PRICKLE1: variants seen among roughly 807,000 people sequenced by gnomAD.
PRICKLE1 encodes the protein prickle-like protein 1.
In PRICKLE1, 14 loss-of-function variants were observed where a neutral mutation model predicts 70.2. The ratio of observed to expected loss-of-function variants is 0.20; its 90% CI spans 0.13 to 0.31. The LOEUF (loss-of-function observed/expected upper bound fraction) is 0.31. Among genes scored for constraint, PRICKLE1 ranks in the 10% least tolerant of loss-of-function variants. PRICKLE1 has a pLI of 1.00. For synonymous variants in PRICKLE1, 357 were observed against 379.9 expected (o/e 0.94, Z 0.70); for missense variants, 821 against 1,026.2 (o/e 0.80, Z 2.73).
chr12:42,581,509 G>A (rs1940899210), intron 1 of PRICKLE1, among the ~76,000 whole-genome samples: 1 of 151,874 alleles, frequency 6.6e-6, no homozygotes, highest in Non-Finnish European at 1.5e-5. Flanking sequence ...CTTTGGGAGG[G>A]CGAGACAGGT....
intron 1 of PRICKLE1, among the ~76,000 whole-genome samples, chr12:42,538,601 C>T (rs1940054269): frequency 6.6e-6 from 1 of 152,198 alleles, no homozygotes; most frequent in Admixed American, 6.5e-5. Context: ...TCTAGCTCAT[C>T]ATTCTTTTTC....
chr12:42,459,673 A>G lies in PRICKLE1; in HGVS notation c.*136T>C. On this transcript the variant is annotated 3_prime_UTR_variant, in exon 8 of 8. Coordinates refer to ENST00000345127, the MANE Select transcript of PRICKLE1 (RefSeq NM_153026.3). ...TTCAAATGTTAATCTGACACTGTAA[A>G]CAGCAGTTGAGTTCTCATTTACATG... 5.1e-6 allele frequency: 5 copies of G among 983,904 alleles called. No individual in the cohort carries two copies. The highest frequency in any genetic ancestry group is 4.7e-6 in the Non-Finnish European group (3 of 632,898). The allele number at this position is 983,904 out of a possible 1,614,324, so 60.9% of individuals were successfully genotyped here.
chr12:42,567,987 T>A lies in PRICKLE1; in HGVS notation c.-49+21478A>T, dbSNP rs538641111. On this transcript the variant is annotated intron_variant, in intron 1 of 7. Coordinates refer to ENST00000345127, the MANE Select transcript of PRICKLE1 (RefSeq NM_153026.3). ...TTCTCAATAATGTATGATTTGCACA[T>A]CTTTGGTGTTTCATAAATGTTCATT... 2.0e-5 allele frequency among the ~76,000 whole-genome samples: 3 copies of A among 152,258 alleles called. No individual in the cohort carries two copies. The South Asian group carries it at 6.2e-4, about 32-fold the overall frequency.
chr12:42,513,115 C>T (rs1442523814), intron 1 of PRICKLE1, among the ~76,000 whole-genome samples: 1 of 152,134 alleles, frequency 6.6e-6, no homozygotes, highest in Non-Finnish European at 1.5e-5. Context: ...GCGCCTGCCA[C>T]CATGCCTGGC....
chr12:42,471,872 G>A (rs745751364), intron 2 of PRICKLE1, among the ~76,000 whole-genome samples: 1 of 152,126 alleles, frequency 6.6e-6, no homozygotes, highest in Non-Finnish European at 1.5e-5. Flanking sequence ...CAATCCCTGT[G>A]GTGTAAGTGA....
At chr12:42,571,774 T>A (rs1940718675) in intron 1 of PRICKLE1, among the ~76,000 whole-genome samples, 1 of 152,208 alleles carries the variant, frequency 6.6e-6, no homozygotes, top group Non-Finnish European at 1.5e-5. Flanking sequence ...CAATCATCTT[T>A]TCTCCCCATT....
chr12:42,492,446 A>T (rs1593136003), intron 1 of PRICKLE1, among the ~76,000 whole-genome samples: 1 of 152,242 alleles, frequency 6.6e-6, no homozygotes, highest in Admixed American at 6.5e-5. Context: ...TGCTATAACT[A>T]ACCAAGGTGT....
chr12:42,542,479 C>T (rs796942638), intron 1 of PRICKLE1, among the ~76,000 whole-genome samples: 9 of 151,972 alleles, frequency 5.9e-5, no homozygotes, highest in African/African-American at 1.9e-4. Context: ...GGTGAAACTC[C>T]GTCTCTACTA....
intron 1 of PRICKLE1, among the ~76,000 whole-genome samples, chr12:42,536,301 AG>A (rs1193155910): frequency 2.0e-5 from 3 of 152,188 alleles, no homozygotes; most frequent in Admixed American, 1.3e-4. Context: ...ATAGAATGTA[AG>A]GAGGGACACC....
intron 1 of PRICKLE1, among the ~76,000 whole-genome samples, chr12:42,536,352 CA>C (rs1940016920): frequency 1.3e-5 from 2 of 152,168 alleles, no homozygotes; most frequent in Admixed American, 1.3e-4. Context: ...CTTGGTGATG[CA>C]AACTAATGTT....
Position 42,470,335 on chromosome 12 carries a change from G to T in PRICKLE1, c.157C>A (p.Pro53Thr). Residue 53 changes from proline to threonine, a missense_variant, in exon 3 of 8, where the codon CCA (proline) becomes ACA (threonine). By Grantham distance (38) the Pro-to-Thr change is conservative (BLOSUM62 -1). Transcript: ENST00000345127. ...EQIQLYFACLPEEKVPYVNSP... is the reference protein window; with the variant it reads ...EQIQLYFACLTEEKVPYVNSP... ...TTAACGTAAGGAACTTTTTCCTCTG[G>T]TAAGCAAGCAAAATAGAGCTGGATC... 6.2e-7 allele frequency: 1 copy of T among 1,613,462 alleles called. No individual in the cohort carries two copies. Among genetic ancestry groups the T allele is most frequent in the Non-Finnish European group, 8.5e-7 (1 of 1,179,526 alleles).
At position 42,588,640 on chromosome 12, in the gene PRICKLE1, T is replaced by C. The variant is rs181674858; in HGVS notation, c.-49+825A>G. ...TTCGGCTTGTGATCCTGAACCCTCC[T>C]TAGGCAAGCTGGAACTAAGCGTGAT... On this transcript the variant is annotated intron_variant, in intron 1 of 7. Coordinates refer to ENST00000345127, the MANE Select transcript of PRICKLE1 (RefSeq NM_153026.3). Among the ~76,000 whole-genome samples the C allele has an allele frequency of 5.3e-3, 809 of 152,160 alleles. 13 individuals carry two copies. Among genetic ancestry groups the C allele is most frequent in the African/African-American group, 0.018 (761 of 41,512 alleles).
At chr12:42,511,912 C>G (rs1939519898) in intron 1 of PRICKLE1, among the ~76,000 whole-genome samples, 1 of 152,138 alleles carries the variant, frequency 6.6e-6, no homozygotes, top group Non-Finnish European at 1.5e-5. Context: ...TATAGGGAAT[C>G]TTTTGTATTT....
At chr12:42,461,442 A>C (rs1438752150) in intron 7 of PRICKLE1, among the ~76,000 whole-genome samples, 1 of 152,210 alleles carries the variant, frequency 6.6e-6, no homozygotes, top group East Asian at 1.9e-4. Flanking sequence ...ACTACAGCTC[A>C]ACAGCTTGTT....
Position 42,562,229 on chromosome 12 carries a change from G to C in PRICKLE1, c.-49+27236C>G, listed in dbSNP as rs1002174636. ...CTGGCTCCCACCCATTTTCAAATCAGTCAAAAGGCAAAGATATCTTATTGT... is the reference window on the plus strand; with the variant it reads ...CTGGCTCCCACCCATTTTCAAATCACTCAAAAGGCAAAGATATCTTATTGT... On this transcript the variant is annotated intron_variant, in intron 1 of 7. Transcript: ENST00000345127. 2.0e-5 allele frequency among the ~76,000 whole-genome samples: 3 copies of C among 151,986 alleles called. No individual in the cohort carries two copies. In the South Asian group the frequency reaches 6.2e-4, roughly 31 times the overall value.
intron 1 of PRICKLE1, among the ~76,000 whole-genome samples, chr12:42,502,816 G>A (rs764064675): frequency 3.3e-5 from 5 of 151,998 alleles, no homozygotes; most frequent in African/African-American, 7.2e-5. Context: ...ACCTCCTAAT[G>A]CAAAACAGGC....
intron 1 of PRICKLE1, among the ~76,000 whole-genome samples, chr12:42,473,559 T>C (rs1201436088): frequency 3.3e-5 from 5 of 152,044 alleles, no homozygotes; most frequent in South Asian, 4.2e-4. Context: ...AAGAAAAAAA[T>C]AATAATAGCA....
chr12:42,460,114 A>G lies in PRICKLE1; in HGVS notation c.2191T>C (p.Tyr731His), dbSNP rs1762419214. The change falls in exon 8 of 8, where the codon TAC becomes CAC. Residue 731 changes from tyrosine (Y) to histidine (H), a missense_variant. Physicochemically the swap from Tyr to His is moderately conservative, Grantham distance 83. Transcript: ENST00000345127. ...IQAYIQNADL[Y>H]GQYAHATSDY... is the part of the protein sequence containing the mutation. ...GAAGTGGCATGGGCGTACTGTCCGTAGAGATCAGCATTCTGGATGTATGCT... is the reference window on the plus strand; with the variant it reads ...GAAGTGGCATGGGCGTACTGTCCGTGGAGATCAGCATTCTGGATGTATGCT... 2 of 1,614,170 alleles carry G rather than the reference A, an allele frequency of 1.2e-6. No individual in the cohort carries two copies. The highest frequency in any genetic ancestry group is 1.1e-5 in the South Asian group (1 of 91,072).
At chr12:42,573,213 T>C (rs1940750008) in intron 1 of PRICKLE1, among the ~76,000 whole-genome samples, 1 of 152,186 alleles carries the variant, frequency 6.6e-6, no homozygotes, top group South Asian at 2.1e-4. Context: ...AGGGCTGCTT[T>C]AAAATATTAG....
Sources: gnomAD v4.1 joint callset for allele counts (sites outside exome capture counted in the v4.1 genomes callset) on GRCh38, gnomAD v4.1.1 for gene constraint, MANE v1.5 for transcripts, NCBI Gene and HGNC (gene_info 2026-07-23, HGNC 2026-07-21) for gene names.